CRACD: variants seen among roughly 807,000 people sequenced by gnomAD.
CRACD encodes the protein capping protein inhibiting regulator of actin dynamics.
Under a neutral mutation model 106.8 loss-of-function variants are expected in CRACD, and 56 were observed. The observed-to-expected ratio is 0.52, with a 90% CI of 0.42 to 0.66. The LOEUF is 0.66. CRACD is among the 30% of genes least tolerant of loss of function. CRACD has a pLI of 0.00. For synonymous variants in CRACD, 754 were observed against 670.8 expected, an observed-to-expected ratio of 1.12 and a Z score of -1.92; for missense variants, 1,730 against 1,623.2, an observed-to-expected ratio of 1.07 and a Z score of -1.13.
chr4:56,245,415 A>G (rs373951259), intron 2 of CRACD, among the ~76,000 whole-genome samples: 228 of 152,352 alleles, frequency 1.5e-3, no homozygotes, highest in African/African-American at 4.6e-3. Context: ...ACATGCCAAA[A>G]AAACAAAACT....
rs1176938961 is a variant in CRACD at position 56,138,361 on chromosome 4, G to T, written c.-335-40923G>T. Among the ~76,000 whole-genome samples, 3 of 152,176 alleles carry T rather than the reference G, an allele frequency of 2.0e-5. No homozygotes were observed. The East Asian group carries it at 5.8e-4, about 29-fold the overall frequency. ...TGCCTGCAATCTCAGCTTCTTGGGAGGCTAAAGCACGAAAACTGCTTGAAC... is the reference window on the plus strand; with the variant it reads ...TGCCTGCAATCTCAGCTTCTTGGGATGCTAAAGCACGAAAACTGCTTGAAC... On this transcript the variant is annotated intron_variant, in intron 1 of 10. Coordinates refer to ENST00000682029, the MANE Select transcript of CRACD (RefSeq NM_001393381.1).
chr4:56,093,546 C>A (rs1403593510), intron 1 of CRACD, among the ~76,000 whole-genome samples: 1 of 152,138 alleles, frequency 6.6e-6, no homozygotes, highest in Admixed American at 6.5e-5. Context: ...TTTCCTGCAC[C>A]CAGCTACCTT....
intron 1 of CRACD, among the ~76,000 whole-genome samples, chr4:56,108,822 G>C (rs1734028061): frequency 6.6e-6 from 1 of 152,214 alleles, no homozygotes; most frequent in South Asian, 2.1e-4. Context: ...AAGACTTTAA[G>C]ACTTTCACTA....
At chr4:56,136,359 C>T (rs1379067228) in intron 1 of CRACD, among the ~76,000 whole-genome samples, 6 of 152,132 alleles carry the variant, frequency 3.9e-5, no homozygotes, top group African/African-American at 1.4e-4. Flanking sequence ...AGTGTCTGTG[C>T]CATTACACAT....
At chr4:56,259,049 A>G (rs1267419038) in intron 2 of CRACD, among the ~76,000 whole-genome samples, 4 of 152,222 alleles carry the variant, frequency 2.6e-5, no homozygotes, top group African/African-American at 4.8e-5. Context: ...CGAGTCTGGT[A>G]TAAAGAAAGT....
At chr4:56,108,353 A>G (rs1307669148) in intron 1 of CRACD, among the ~76,000 whole-genome samples, 2 of 152,146 alleles carry the variant, frequency 1.3e-5, no homozygotes, top group Non-Finnish European at 2.9e-5. Context: ...AAATGCACAA[A>G]CCTCAGTCTG....
intron 1 of CRACD, among the ~76,000 whole-genome samples, chr4:56,063,983 A>C (rs1732373722): frequency 6.6e-6 from 1 of 152,196 alleles, no homozygotes; most frequent in Admixed American, 6.5e-5. Context: ...ACAGCATTTC[A>C]ATTTCTCTAT....
intron 6 of CRACD, among the ~76,000 whole-genome samples, chr4:56,312,843 G>A (rs779627337): frequency 3.9e-5 from 6 of 152,278 alleles, no homozygotes; most frequent in Non-Finnish European, 5.9e-5. Flanking sequence ...GCTGTGGCCC[G>A]GTAAAACTCT....
chr4:56,265,365 A>G (rs1439694422), intron 2 of CRACD, among the ~76,000 whole-genome samples: 1 of 151,486 alleles, frequency 6.6e-6, no homozygotes, highest in Non-Finnish European at 1.5e-5. Context: ...CAACTCACTC[A>G]TCTTTACTGA....
At chr4:56,099,551 T>C (rs1733714242) in intron 1 of CRACD, among the ~76,000 whole-genome samples, 1 of 152,188 alleles carries the variant, frequency 6.6e-6, no homozygotes, top group Non-Finnish European at 1.5e-5. Context: ...GTTTCCATGA[T>C]TCCCAGTGTC....
At chr4:56,251,840 A>T (rs1741071096) in intron 2 of CRACD, among the ~76,000 whole-genome samples, 1 of 152,222 alleles carries the variant, frequency 6.6e-6, no homozygotes, top group African/African-American at 2.4e-5. Flanking sequence ...TAGATAAATC[A>T]TTGTTGACTC....
chr4:56,157,569 A>G (rs2109898779), intron 1 of CRACD, among the ~76,000 whole-genome samples: 1 of 152,324 alleles, frequency 6.6e-6, no homozygotes, highest in East Asian at 1.9e-4. Flanking sequence ...GCTGAGCAAA[A>G]TGATCTCAGT....
chr4:56,328,427 C>A lies in CRACD; in HGVS notation c.*623C>A, dbSNP rs768857064. 1.9e-6 allele frequency: 1 copy of A among 518,198 alleles called. No homozygotes were observed. Among genetic ancestry groups the A allele is most frequent in the East Asian group, 5.5e-5 (1 of 18,342 alleles). The allele number at this position is 518,198 out of a possible 1,614,324, so 32.1% of individuals were successfully genotyped here. On this transcript the variant is annotated 3_prime_UTR_variant, in exon 11 of 11. Transcript: ENST00000682029. The stretch of plus-strand genomic sequence containing the variant: ...AAGGCACATCCATTCACATTTTTAC[C>A]GCACTGTGGATTCATAGTGTGGGGC...
chr4:56,299,110 C>T (rs1159222436), intron 4 of CRACD, among the ~76,000 whole-genome samples: 3 of 152,130 alleles, frequency 2.0e-5, no homozygotes, highest in Non-Finnish European at 2.9e-5. Context: ...CTCTATTTTT[C>T]TGTTGTATTT....
rs371814523 is a variant in CRACD, at chr4:56,316,469, G to C, written c.2967G>C (p.Leu989=). 6.2e-7 allele frequency: 1 copy of C among 1,614,000 alleles called. No homozygotes were observed. Among genetic ancestry groups the C allele is most frequent in the South Asian group, 1.1e-5 (1 of 91,084 alleles). Residue 989 remains leucine, a synonymous_variant, in exon 8 of 11, where the codon CTG becomes CTC. Transcript: ENST00000682029. ...GCAGGCCCTACTTGGTAGAGCTGCT[G>C]TCTCGCCGAGCGGGGAGGCCGGACC... ...KLSRPYLVEL[L]SRRAGRPDPE...
chr4:56,192,401 A>G (rs1737416950), intron 2 of CRACD, among the ~76,000 whole-genome samples: 1 of 152,164 alleles, frequency 6.6e-6, no homozygotes, highest in African/African-American at 2.4e-5. Context: ...TCTCAAAAAA[A>G]AAAAAAGAAA....
intron 1 of CRACD, among the ~76,000 whole-genome samples, chr4:56,093,897 G>T (rs1733507937): frequency 6.6e-6 from 1 of 152,188 alleles, no homozygotes; most frequent in Non-Finnish European, 1.5e-5. Flanking sequence ...TGTCAGTAAT[G>T]TATGCACCAG....
intron 1 of CRACD, among the ~76,000 whole-genome samples, chr4:56,171,140 C>A (rs538141836): frequency 1.3e-5 from 2 of 151,946 alleles, no homozygotes; most frequent in Non-Finnish European, 2.9e-5. Flanking sequence ...TGACAGAGAT[C>A]GTCTTAGAAA....
At chr4:56,052,143 C>G (rs1027397841) in intron 1 of CRACD, among the ~76,000 whole-genome samples, 3 of 152,074 alleles carry the variant, frequency 2.0e-5, no homozygotes, top group East Asian at 3.8e-4. Flanking sequence ...CCTGCCTTGG[C>G]CTCCCAAAAT....
Sources: gnomAD v4.1 joint callset for allele counts (sites outside exome capture counted in the v4.1 genomes callset) on GRCh38, gnomAD v4.1.1 for gene constraint, MANE v1.5 for transcripts, NCBI Gene and HGNC (gene_info 2026-07-23, HGNC 2026-07-21) for gene names.